The following MINDY4 variants were observed in gnomAD, a reference collection of about 807,000 sequenced individuals.
MINDY4 encodes probable ubiquitin carboxyl-terminal hydrolase MINDY-4.
MINDY4 carries 68 observed loss-of-function variants against 87.0 expected under a neutral mutation model. The ratio of observed to expected loss-of-function variants is 0.78; its 90% CI spans 0.64 to 0.96. MINDY4 has a LOEUF of 0.96. MINDY4 is among the 40% of genes least tolerant of loss of function. MINDY4 has a pLI of 0.00. For missense variants in MINDY4, 919 were observed against 928.2 expected (o/e 0.99, Z 0.13); for synonymous variants, 379 against 363.2 (o/e 1.04, Z -0.50).
At chr7:30,778,046 C>T (rs1340205042) in intron 1 of MINDY4, among the ~76,000 whole-genome samples, 1 of 152,182 alleles carries the variant, frequency 6.6e-6, no homozygotes, top group Non-Finnish European at 1.5e-5. Flanking sequence ...CATTGTGTTA[C>T]ATTGGGCAAG....
chr7:30,871,196 C>T (rs572765356), intron 13 of MINDY4, among the ~76,000 whole-genome samples: 122 of 152,306 alleles, frequency 8.0e-4, no homozygotes, highest in African/African-American at 2.9e-3. Context: ...GCTCCCTGGT[C>T]TCACGTTGCC....
At chr7:30,779,922 G>A (rs1179733853) in intron 2 of MINDY4, 2 of 152,334 alleles carry the variant, frequency 1.3e-5, no homozygotes, top group South Asian at 2.1e-4. Context: ...ATAGGCCAGG[G>A]AGGAACCTAT....
At chr7:30,823,444 T>A (rs921101825) in intron 5 of MINDY4, among the ~76,000 whole-genome samples, 5 of 152,218 alleles carry the variant, frequency 3.3e-5, no homozygotes, top group African/African-American at 9.6e-5. Context: ...CTCTTTTCCT[T>A]GCACTCCCCC....
At chr7:30,818,388 C>T (rs142479913) in intron 5 of MINDY4, among the ~76,000 whole-genome samples, 5 of 152,176 alleles carry the variant, frequency 3.3e-5, no homozygotes, top group Non-Finnish European at 7.4e-5. Flanking sequence ...CCTCATTAAT[C>T]ATCATTATCT....
At chr7:30,872,336 C>T (rs774815091) in intron 14 of MINDY4, 30 bp downstream of exon 14, 1 of 1,601,322 alleles carries the variant, frequency 6.2e-7, no homozygotes, top group Non-Finnish European at 8.6e-7. Flanking sequence ...CCCAGGTGGT[C>T]CTTCCCCCTC....
At chr7:30,812,278 G>T (rs13311603) in intron 5 of MINDY4, among the ~76,000 whole-genome samples, 3 of 96,962 alleles carry the variant, frequency 3.1e-5, no homozygotes, top group East Asian at 5.1e-4. Context: ...TTGAGGGGGG[G>T]GGGGTATGTA....
rs141057795 is a variant in MINDY4, at chr7:30,779,060, G to C, written c.183+509G>C. Among the ~76,000 whole-genome samples, 469 of 152,300 alleles carry C rather than the reference G, an allele frequency of 3.1e-3. 1 individual carries two copies. Among genetic ancestry groups the C allele is most frequent in the African/African-American group, 0.011 (446 of 41,554 alleles). On this transcript the variant is annotated intron_variant, in intron 2 of 17. Coordinates refer to ENST00000265299, the MANE Select transcript of MINDY4 (RefSeq NM_032222.3). Reference sequence around the variant, plus strand: ...TAGAGTTGGAAAAGCAAATGGAACTGTGTTTTCTTGGGCGGGAAGGGGGCT... The same window carrying C: ...TAGAGTTGGAAAAGCAAATGGAACTCTGTTTTCTTGGGCGGGAAGGGGGCT...
chr7:30,806,174 T>C (rs1483018729), intron 5 of MINDY4, among the ~76,000 whole-genome samples: 1 of 152,204 alleles, frequency 6.6e-6, no homozygotes, highest in African/African-American at 2.4e-5. Flanking sequence ...ATCTGCTATT[T>C]GGGAAACATT....
chr7:30,861,960 G>A (rs565303096), intron 13 of MINDY4, among the ~76,000 whole-genome samples: 1 of 152,370 alleles, frequency 6.6e-6, no homozygotes, highest in East Asian at 1.9e-4. Flanking sequence ...GGGACCATGG[G>A]ACCAAGCCCC....
chr7:30,776,559 A>T (rs2128164758), intron 1 of MINDY4, among the ~76,000 whole-genome samples: 1 of 152,226 alleles, frequency 6.6e-6, no homozygotes, highest in South Asian at 2.1e-4. Context: ...CTCCCTGAGG[A>T]CTGGGACTTT....
At chr7:30,811,087 G>A (rs903168524) in intron 5 of MINDY4, among the ~76,000 whole-genome samples, 2 of 151,884 alleles carry the variant, frequency 1.3e-5, no homozygotes, top group Non-Finnish European at 2.9e-5. Context: ...GGAAAGAAAA[G>A]AAACTTGAGC....
intron 5 of MINDY4, among the ~76,000 whole-genome samples, chr7:30,802,628 C>G (rs1417040639): frequency 6.6e-6 from 1 of 152,142 alleles, no homozygotes; most frequent in Admixed American, 6.5e-5. Flanking sequence ...GCTAATCTGT[C>G]TGTGATAGTA....
At chr7:30,802,793 T>C (rs4723017) in intron 5 of MINDY4, among the ~76,000 whole-genome samples, 68,339 of 151,938 alleles carry the variant, frequency 0.45, 16,060 homozygotes, top group African/African-American at 0.57. Flanking sequence ...TCTAGCCAAC[T>C]AAACAACTAA....
intron 5 of MINDY4, among the ~76,000 whole-genome samples, chr7:30,810,276 A>G (rs956357599): frequency 2.6e-5 from 4 of 151,824 alleles, no homozygotes; most frequent in Admixed American, 6.6e-5. Flanking sequence ...AAAATGTTAT[A>G]AAAAAATTTA....
intron 2 of MINDY4, 142 bp from the exon 3 acceptor site, chr7:30,781,835 T>C: frequency 1.6e-6 from 1 of 633,062 alleles, no homozygotes; most frequent in Admixed American, 2.9e-5. Context: ...ATATAATATG[T>C]GGCCAGTAAA....
At chr7:30,801,374 C>G (rs945265908) in intron 5 of MINDY4, among the ~76,000 whole-genome samples, 1 of 152,172 alleles carries the variant, frequency 6.6e-6, no homozygotes, top group Non-Finnish European at 1.5e-5. Flanking sequence ...TGCCGGTCAT[C>G]CTGTGTGGAT....
At chr7:30,779,551 A>G (rs1388672285) in intron 2 of MINDY4, 1 of 152,268 alleles carries the variant, frequency 6.6e-6, no homozygotes, top group Non-Finnish European at 1.5e-5. Context: ...TATGCAAAGC[A>G]AAGAAGGGAA....
intron 10 of MINDY4, among the ~76,000 whole-genome samples, chr7:30,851,248 A>G (rs748122311): frequency 6.6e-6 from 1 of 152,188 alleles, no homozygotes; most frequent in African/African-American, 2.4e-5. Flanking sequence ...TCACTGTAGC[A>G]TATTGCTTCA....
At chr7:30,783,438 C>CA (rs1787062836) in intron 3 of MINDY4, among the ~76,000 whole-genome samples, 1 of 152,078 alleles carries the variant, frequency 6.6e-6, no homozygotes, top group Non-Finnish European at 1.5e-5. Flanking sequence ...CATAGTTAAC[C>CA]AAAAATGGGT....
Sources: gnomAD v4.1 joint callset for allele counts (sites outside exome capture counted in the v4.1 genomes callset) on GRCh38, gnomAD v4.1.1 for gene constraint, MANE v1.5 for transcripts, NCBI Gene and HGNC (gene_info 2026-07-23, HGNC 2026-07-21) for gene names.